Variants in LINGO2 observed in about 807,000 individuals in gnomAD.
LINGO2 encodes the protein leucine rich repeat and Ig domain containing 2, also known as leucine-rich repeat and immunoglobulin-like domain-containing nogo receptor-interacting protein 2.
LINGO2 carries 14 observed loss-of-function variants against 30.6 expected under a neutral mutation model. The observed-to-expected ratio is 0.46, with a 90% CI of 0.30 to 0.72. The LOEUF is 0.72. Ranked by LOEUF, LINGO2 falls within the 30% of genes least tolerant of loss-of-function variation. The pLI, the probability that LINGO2 is intolerant of heterozygous loss-of-function variation, is 0.07. For missense variants in LINGO2, 729 were observed against 751.7 expected (o/e 0.97, Z 0.35); for synonymous variants, 317 against 288.5 (o/e 1.10, Z -1.00).
chr9:28,820,002 A>C, the LINGO2 span, among the ~76,000 whole-genome samples: 1 of 152,164 alleles, frequency 6.6e-6, no homozygotes, highest in African/African-American at 2.4e-5. Flanking sequence ...GAATAAATTA[A>C]TTCTAATTTC....
intron 5 of LINGO2, among the ~76,000 whole-genome samples, chr9:28,005,565 T>A (rs1822223720): frequency 6.6e-6 from 1 of 152,092 alleles, no homozygotes; most frequent in Admixed American, 6.6e-5. Context: ...ATTTTTTAAG[T>A]GAGAAGTTCA....
chr9:28,966,265 G>A, the LINGO2 span, among the ~76,000 whole-genome samples: 109,498 of 151,950 alleles, frequency 0.72, 39,883 homozygotes, highest in Non-Finnish European at 0.76. Context: ...GAGAAGCAGG[G>A]TAAGAATCGA....
chr9:29,078,246 G>C, the LINGO2 span, among the ~76,000 whole-genome samples: 2 of 151,964 alleles, frequency 1.3e-5, no homozygotes, highest in Non-Finnish European at 2.9e-5. Flanking sequence ...TACAGGCAGA[G>C]TGGTTTTCAT....
At chr9:28,570,698 A>G (rs965368417) in intron 1 of LINGO2, among the ~76,000 whole-genome samples, 3 of 151,872 alleles carry the variant, frequency 2.0e-5, no homozygotes, top group Non-Finnish European at 4.4e-5. Flanking sequence ...CATAACTACA[A>G]AACTCTATCT....
intron 1 of LINGO2, among the ~76,000 whole-genome samples, chr9:28,618,526 T>G (rs931166359): frequency 6.6e-6 from 1 of 152,186 alleles, no homozygotes; most frequent in Non-Finnish European, 1.5e-5. Context: ...CTCCCCTGCT[T>G]ATAACTCTCT....
chr9:28,324,407 T>C lies in LINGO2; in HGVS notation c.-245-29041A>G, dbSNP rs370295200. 4.8e-4 allele frequency among the ~76,000 whole-genome samples: 73 copies of C among 152,204 alleles called. 1 individual carries two copies. In the South Asian group the frequency reaches 8.7e-3, roughly 18 times the overall value. The stretch of plus-strand genomic sequence containing the variant: ...CATCTTGAATAAGGGCTGGTTAAAA[T>C]GGGGCTGAAACCTACTGGGCTGCAT... On this transcript the variant is annotated intron_variant, in intron 3 of 5. Transcript: ENST00000379992.
the LINGO2 span, chr9:27,938,903 A>G: frequency 6.6e-6 from 1 of 152,200 alleles, no homozygotes; most frequent in African/African-American, 2.4e-5. Context: ...ATCTTTTAAA[A>G]CAAAGCTAGA....
chr9:29,148,039 C>T, the LINGO2 span, among the ~76,000 whole-genome samples: 1 of 151,960 alleles, frequency 6.6e-6, no homozygotes, highest in African/African-American at 2.4e-5. Context: ...AATTTTGTAA[C>T]AATGATGTTT....
intron 4 of LINGO2, among the ~76,000 whole-genome samples, chr9:28,055,719 T>A (rs1430798502): frequency 6.6e-6 from 1 of 152,188 alleles, no homozygotes; most frequent in Non-Finnish European, 1.5e-5. Flanking sequence ...TAAAATTCTT[T>A]AAAAGATATG....
chr9:28,782,644 T>A, the LINGO2 span, among the ~76,000 whole-genome samples: 1 of 152,208 alleles, frequency 6.6e-6, no homozygotes, highest in African/African-American at 2.4e-5. Flanking sequence ...AAAAGTATGA[T>A]GCAAAACTCT....
At chr9:28,317,631 A>G (rs761911401) in intron 3 of LINGO2, among the ~76,000 whole-genome samples, 33 of 151,852 alleles carry the variant, frequency 2.2e-4, no homozygotes, top group Non-Finnish European at 4.6e-4. Context: ...ATTATTCTGA[A>G]AAAACAGAGT....
intron 4 of LINGO2, among the ~76,000 whole-genome samples, chr9:28,039,982 CTA>C (rs1824123871): frequency 6.6e-6 from 1 of 152,128 alleles, no homozygotes; most frequent in Non-Finnish European, 1.5e-5. Context: ...TGAAAACAAA[CTA>C]TTAAAACATG....
chr9:29,110,948 C>T, the LINGO2 span, among the ~76,000 whole-genome samples: 1 of 152,140 alleles, frequency 6.6e-6, no homozygotes, highest in South Asian at 2.1e-4. Context: ...CTCGGCCTCC[C>T]AAAGTGCTGG....
chr9:29,195,954 A>T, the LINGO2 span, among the ~76,000 whole-genome samples: 11 of 152,166 alleles, frequency 7.2e-5, no homozygotes, highest in Admixed American at 3.3e-4. Flanking sequence ...ACTAGTTATC[A>T]ACCATCTTTG....
the LINGO2 span, among the ~76,000 whole-genome samples, chr9:28,779,440 G>C: frequency 2.0e-5 from 3 of 152,092 alleles, no homozygotes; most frequent in East Asian, 5.8e-4. Context: ...TGGAGCTATT[G>C]ATGACTTCAT....
chr9:28,304,244 A>T (rs1824257508), intron 3 of LINGO2, among the ~76,000 whole-genome samples: 1 of 148,778 alleles, frequency 6.7e-6, no homozygotes, highest in Non-Finnish European at 1.5e-5. Flanking sequence ...AAAAAATTTA[A>T]AATGTATATA....
the LINGO2 span, among the ~76,000 whole-genome samples, chr9:29,053,082 CTGTTT>C: frequency 6.6e-6 from 1 of 151,940 alleles, no homozygotes; most frequent in Non-Finnish European, 1.5e-5. Context: ...CCTTTCTCTT[CTGTTT>C]TGAGTGTCAG....
the LINGO2 span, among the ~76,000 whole-genome samples, chr9:29,092,605 G>C: frequency 2.8e-4 from 25 of 88,884 alleles, 6 homozygotes; most frequent in Admixed American, 6.8e-4. Context: ...TTTAAGTACA[G>C]TCTTCAAAAG....
the LINGO2 span, among the ~76,000 whole-genome samples, chr9:28,987,672 T>C: frequency 6.6e-6 from 1 of 152,154 alleles, no homozygotes; most frequent in Non-Finnish European, 1.5e-5. Flanking sequence ...AATATAAGCA[T>C]TTATTGTTAT....
Sources: gnomAD v4.1 joint callset for allele counts (sites outside exome capture counted in the v4.1 genomes callset) on GRCh38, gnomAD v4.1.1 for gene constraint, MANE v1.5 for transcripts, NCBI Gene and HGNC (gene_info 2026-07-23, HGNC 2026-07-21) for gene names.